Variants in OXR1 observed in about 807,000 individuals in gnomAD.
OXR1 encodes the protein oxidation resistance 1, also known as oxidation resistance protein 1.
In OXR1, 41 loss-of-function variants were observed where a neutral mutation model predicts 104.6. The ratio of observed to expected loss-of-function variants is 0.39; its 90% CI spans 0.31 to 0.51. OXR1 has a LOEUF of 0.51. OXR1 is among the 20% of genes least tolerant of loss of function. The pLI, the probability that OXR1 is intolerant of heterozygous loss-of-function variation, is 0.77. For synonymous variants in OXR1, 348 were observed against 348.4 expected (o/e 1.00, Z 0.01); for missense variants, 955 against 1,031.9 (o/e 0.93, Z 1.02).
intron 2 of OXR1, among the ~76,000 whole-genome samples, chr8:106,452,482 T>C (rs776334166): frequency 1.3e-5 from 2 of 152,186 alleles, no homozygotes; most frequent in Non-Finnish European, 2.9e-5. Flanking sequence ...TATCTTGTTA[T>C]CTTTACCAAA....
chr8:106,280,739 C>T (rs1177752806), intron 1 of OXR1, among the ~76,000 whole-genome samples: 2 of 151,824 alleles, frequency 1.3e-5, no homozygotes, highest in Non-Finnish European at 2.9e-5. Context: ...AATGTAATAT[C>T]GTGTATTTTA....
At chr8:106,423,940 T>C (rs536792332) in intron 2 of OXR1, among the ~76,000 whole-genome samples, 52 of 152,294 alleles carry the variant, frequency 3.4e-4, no homozygotes, top group Admixed American at 7.8e-4. Flanking sequence ...ATTTTTTGTT[T>C]GTTTTTGTTT....
chr8:106,632,912 C>T (rs1249563398), intron 3 of OXR1, among the ~76,000 whole-genome samples: 1 of 152,080 alleles, frequency 6.6e-6, no homozygotes, highest in African/African-American at 2.4e-5. Flanking sequence ...GCACTCCAGC[C>T]TGGGTGACAG....
intron 6 of OXR1, among the ~76,000 whole-genome samples, chr8:106,684,723 T>TAAATG (rs1362113545): frequency 6.6e-6 from 1 of 152,176 alleles, no homozygotes; most frequent in Non-Finnish European, 1.5e-5. Flanking sequence ...AATGAGTATA[T>TAAATG]AGTACTTAGA....
At chr8:106,526,792 C>T (rs1813719269) in intron 3 of OXR1, among the ~76,000 whole-genome samples, 1 of 152,238 alleles carries the variant, frequency 6.6e-6, no homozygotes, top group African/African-American at 2.4e-5. Flanking sequence ...ATGCGCCCCC[C>T]TCTGCCTCCC....
chr8:106,289,646 G>C (rs535692234), intron 1 of OXR1, among the ~76,000 whole-genome samples: 1 of 152,240 alleles, frequency 6.6e-6, no homozygotes, highest in South Asian at 2.1e-4. Flanking sequence ...ATTCTTCCCA[G>C]AATTAGATCA....
At chr8:106,320,423 C>G (rs1304000709) in intron 1 of OXR1, among the ~76,000 whole-genome samples, 1 of 152,108 alleles carries the variant, frequency 6.6e-6, no homozygotes, top group African/African-American at 2.4e-5. Flanking sequence ...GAGGGGGAAT[C>G]GTTGTGATAA....
At chr8:106,651,006 T>C (rs1018110747) in intron 3 of OXR1, among the ~76,000 whole-genome samples, 6 of 152,166 alleles carry the variant, frequency 3.9e-5, no homozygotes, top group Non-Finnish European at 7.4e-5. Context: ...AAATAGAAAA[T>C]TGCATCATTT....
At chr8:106,607,815 C>T (rs1055138339) in intron 3 of OXR1, among the ~76,000 whole-genome samples, 1 of 139,588 alleles carries the variant, frequency 7.2e-6, no homozygotes, top group Non-Finnish European at 1.6e-5. Context: ...TTTTCTTTTT[C>T]TTTTTTTTTT....
chr8:106,488,647 G>C (rs1232298841), intron 2 of OXR1, among the ~76,000 whole-genome samples: 1 of 148,964 alleles, frequency 6.7e-6, no homozygotes, highest in East Asian at 2.0e-4. Context: ...CATATGGCTA[G>C]CCAGTTTTCC....
chr8:106,496,994 T>G (rs1811459266), intron 2 of OXR1, among the ~76,000 whole-genome samples: 1 of 152,124 alleles, frequency 6.6e-6, no homozygotes, highest in Non-Finnish European at 1.5e-5. Flanking sequence ...TCCTGGGATT[T>G]TTGCACCATT....
chr8:106,478,067 T>C lies in OXR1; in HGVS notation c.24-40876T>C, dbSNP rs1019873173. On this transcript the variant is annotated intron_variant, in intron 2 of 16. Transcript: ENST00000517566. ...GCCTTCCATATGATTGATACAATAT[T>C]TATTCCTACATTTAAAATCATCGGT... 7.2e-4 allele frequency among the ~76,000 whole-genome samples: 109 copies of C among 151,996 alleles called. 1 individual carries two copies. The highest frequency in any genetic ancestry group is 2.5e-3 in the African/African-American group (104 of 41,522).
intron 1 of OXR1, among the ~76,000 whole-genome samples, chr8:106,307,112 C>G (rs1225964306): frequency 3.3e-5 from 5 of 152,098 alleles, no homozygotes; most frequent in Non-Finnish European, 5.9e-5. Flanking sequence ...CATGAATCAT[C>G]AAGAAACAGC....
intron 1 of OXR1, among the ~76,000 whole-genome samples, chr8:106,276,640 A>T (rs1239408393): frequency 6.6e-6 from 1 of 151,870 alleles, no homozygotes; most frequent in East Asian, 1.9e-4. Context: ...CTTTCTCAAG[A>T]GCATGCTTAT....
chr8:106,614,488 G>T (rs962397441), intron 3 of OXR1, among the ~76,000 whole-genome samples: 1 of 152,190 alleles, frequency 6.6e-6, no homozygotes, highest in African/African-American at 2.4e-5. Flanking sequence ...ATTTTTGACT[G>T]CCGTAAATCA....
intron 1 of OXR1, among the ~76,000 whole-genome samples, chr8:106,281,081 G>A (rs1473958747): frequency 1.3e-5 from 2 of 152,122 alleles, no homozygotes; most frequent in Non-Finnish European, 2.9e-5. Context: ...TACACAACTA[G>A]GGGAAGGGCA....
chr8:106,699,169 AT>A (rs888762651), intron 7 of OXR1, among the ~76,000 whole-genome samples: 3 of 151,472 alleles, frequency 2.0e-5, no homozygotes, highest in African/African-American at 7.3e-5. Flanking sequence ...TAAATACAAG[AT>A]TTTTTTTTGC....
chr8:106,608,308 AAAAC>A (rs1183573642), intron 3 of OXR1, among the ~76,000 whole-genome samples: 1 of 152,096 alleles, frequency 6.6e-6, no homozygotes, highest in Non-Finnish European at 1.5e-5. Context: ...AAAAAAGCAA[AAAAC>A]AAACAAACAA....
At chr8:106,288,097 G>A (rs1812574167) in intron 1 of OXR1, among the ~76,000 whole-genome samples, 1 of 152,204 alleles carries the variant, frequency 6.6e-6, no homozygotes, top group South Asian at 2.1e-4. Flanking sequence ...GTTGCTGGAT[G>A]GGACCTGTAG....
Sources: allele counts gnomAD v4.1 joint callset (sites outside exome capture counted in the v4.1 genomes callset), GRCh38; gene constraint gnomAD v4.1.1; transcripts MANE v1.5; gene names NCBI Gene and HGNC (gene_info 2026-07-23, HGNC 2026-07-21).